OR56B2: variants seen among roughly 807,000 people sequenced by gnomAD.
The protein encoded by OR56B2 is olfactory receptor 56B2.
the OR56B2 span, among the ~76,000 whole-genome samples, chr11:5,763,087 T>A: frequency 0.04 from 6,118 of 152,192 alleles, 413 homozygotes; most frequent in African/African-American, 0.14. Flanking sequence ...AGTACAGTTT[T>A]AAAAAATGTA....
the OR56B2 span, among the ~76,000 whole-genome samples, chr11:5,761,481 A>C: frequency 1.3e-5 from 2 of 152,198 alleles, no homozygotes; most frequent in African/African-American, 4.8e-5. Flanking sequence ...ATGTAAAAAT[A>C]AAAGTATATT....
the OR56B2 span, among the ~76,000 whole-genome samples, chr11:5,762,275 A>G: frequency 6.6e-6 from 1 of 152,016 alleles, no homozygotes; most frequent in African/African-American, 2.4e-5. Context: ...GATTTACTAT[A>G]CTCTCTAGCA....
At chr11:5,764,796 C>T in the OR56B2 span, among the ~76,000 whole-genome samples, 1 of 139,512 alleles carries the variant, frequency 7.2e-6, no homozygotes, top group African/African-American at 2.6e-5. Flanking sequence ...ACTTGTCCTG[C>T]TCCTGTGACT....
the OR56B2 span, among the ~76,000 whole-genome samples, chr11:5,762,000 T>C: frequency 3.3e-5 from 5 of 152,142 alleles, no homozygotes; most frequent in African/African-American, 1.2e-4. Flanking sequence ...TTGGAAATAC[T>C]AGAATTGGAA....
the OR56B2 span, chr11:5,767,551 C>G: frequency 7.2e-6 from 1 of 139,326 alleles, no homozygotes; most frequent in South Asian, 2.4e-4. Flanking sequence ...TTTGCTGTCT[C>G]TATCCCATAA....
chr11:5,761,213 A>G, the OR56B2 span: 2 of 152,176 alleles, frequency 1.3e-5, no homozygotes, highest in Admixed American at 1.3e-4. Context: ...ATCACTACAT[A>G]TGACAAGTCT....
the OR56B2 span, chr11:5,766,148 G>A: frequency 7.1e-6 from 1 of 140,472 alleles, no homozygotes; most frequent in Non-Finnish European, 1.6e-5. Flanking sequence ...GAACAACAAA[G>A]AAATAGCATA....
At chr11:5,762,604 G>C in the OR56B2 span, among the ~76,000 whole-genome samples, 2 of 152,010 alleles carry the variant, frequency 1.3e-5, no homozygotes, top group African/African-American at 4.8e-5. Flanking sequence ...CCTAGTATCT[G>C]ATAGATCAGT....
the OR56B2 span, chr11:5,766,257 A>G: frequency 7.8e-5 from 11 of 140,404 alleles, 3 homozygotes; most frequent in East Asian, 1.9e-3. Flanking sequence ...ACAAAGGGTA[A>G]CAGTGATGCT....
At chr11:5,762,647 C>T in the OR56B2 span, among the ~76,000 whole-genome samples, 1 of 151,946 alleles carries the variant, frequency 6.6e-6, no homozygotes, top group Non-Finnish European at 1.5e-5. Flanking sequence ...ATCTATTGTA[C>T]ATTTCAAAAT....
the OR56B2 span, among the ~76,000 whole-genome samples, chr11:5,764,134 C>T: frequency 7.1e-6 from 1 of 140,468 alleles, no homozygotes; most frequent in East Asian, 2.0e-4. Flanking sequence ...ATAAATAGTG[C>T]AGAGTAGCAC....
the OR56B2 span, among the ~76,000 whole-genome samples, chr11:5,768,878 G>C: frequency 0.012 from 1,693 of 138,194 alleles, 271 homozygotes; most frequent in African/African-American, 0.042. Flanking sequence ...AACTGAAAAT[G>C]ATAGAATTTT....
At chr11:5,762,850 GT>G in the OR56B2 span, among the ~76,000 whole-genome samples, 1 of 151,884 alleles carries the variant, frequency 6.6e-6, no homozygotes, top group Non-Finnish European at 1.5e-5. Flanking sequence ...ACCATACTTT[GT>G]CATTTTCTAC....
the OR56B2 span, among the ~76,000 whole-genome samples, chr11:5,764,559 T>C: frequency 1.4e-5 from 2 of 140,810 alleles, 1 homozygote. Context: ...ACTTAGCTCA[T>C]ACATTTTAAT....
chr11:5,761,722 T>C, the OR56B2 span, among the ~76,000 whole-genome samples: 1 of 152,180 alleles, frequency 6.6e-6, no homozygotes, highest in Non-Finnish European at 1.5e-5. Flanking sequence ...TTTCATGGTA[T>C]TAGGCATCAA....
chr11:5,761,967 A>G, the OR56B2 span, among the ~76,000 whole-genome samples: 1 of 152,170 alleles, frequency 6.6e-6, no homozygotes, highest in African/African-American at 2.4e-5. Flanking sequence ...TGAGAATAAT[A>G]TATTTACATG....
the OR56B2 span, among the ~76,000 whole-genome samples, chr11:5,763,445 C>G: frequency 1.4e-5 from 2 of 139,462 alleles, 1 homozygote; most frequent in Non-Finnish European, 3.2e-5. Context: ...TCCTGAGTAA[C>G]TGGGGCTACA....
At chr11:5,764,945 A>C in the OR56B2 span, among the ~76,000 whole-genome samples, 5 of 140,776 alleles carry the variant, frequency 3.6e-5, no homozygotes, top group East Asian at 1.0e-3. Flanking sequence ...TGTACCTAAT[A>C]TCACATAGGA....
the OR56B2 span, among the ~76,000 whole-genome samples, chr11:5,768,755 A>G: frequency 1.4e-5 from 2 of 140,374 alleles, 1 homozygote; most frequent in Admixed American, 1.5e-4. Context: ...TTAAAAGAAC[A>G]TAGATGTCTG....
Sources: gnomAD v4.1 joint callset for allele counts (sites outside exome capture counted in the v4.1 genomes callset) on GRCh38, gnomAD v4.1.1 for gene constraint, MANE v1.5 for transcripts, NCBI Gene and HGNC (gene_info 2026-07-23, HGNC 2026-07-21) for gene names.